CATSPERE: variants seen among roughly 807,000 people sequenced by gnomAD.
CATSPERE encodes catsper channel auxiliary subunit epsilon.
In CATSPERE, 93 loss-of-function variants were observed where a neutral mutation model predicts 114.1. The observed-to-expected ratio is 0.81, with a 90% CI of 0.69 to 0.97. The LOEUF is 0.97. CATSPERE is among the 50% of genes least tolerant of loss of function. The pLI, the probability that CATSPERE is intolerant of heterozygous loss-of-function variation, is 0.00. For missense variants in CATSPERE, 1,058 were observed against 1,131.6 expected (o/e 0.93, Z 0.93); for synonymous variants, 341 against 384.1 (o/e 0.89, Z 1.31).
intron 19 of CATSPERE, among the ~76,000 whole-genome samples, chr1:244,612,451 C>T (rs565308220): frequency 1.3e-5 from 2 of 152,048 alleles, no homozygotes; most frequent in Admixed American, 1.3e-4. Flanking sequence ...TTAGGGAAAA[C>T]ACTGAAGGAC....
chr1:244,518,277 A>G (rs1057023957), intron 7 of CATSPERE, among the ~76,000 whole-genome samples: 4 of 152,204 alleles, frequency 2.6e-5, no homozygotes, highest in African/African-American at 9.7e-5. Flanking sequence ...CAGAAACTCT[A>G]CTATGTATTT....
In CATSPERE at chr1:244,474,447, A is replaced by G. The variant is rs149869358; in HGVS notation, c.115-3094A>G. Among the ~76,000 whole-genome samples, 223 of 151,732 alleles carry G rather than the reference A, an allele frequency of 1.5e-3. 1 individual carries two copies. The highest frequency in any genetic ancestry group is 4.9e-3 in the African/African-American group (204 of 41,386). ...ATGATCTTCTTCTATGTTCATTCCAATTTTTCAATTTCATGTATTATTCTT... is the reference window on the plus strand; with the variant it reads ...ATGATCTTCTTCTATGTTCATTCCAGTTTTTCAATTTCATGTATTATTCTT... On this transcript the variant is annotated intron_variant, in intron 2 of 21. Coordinates refer to ENST00000366534, the MANE Select transcript of CATSPERE (RefSeq NM_001130957.2).
At position 244,597,861 on chromosome 1, in the gene CATSPERE, G is replaced by A. The variant is rs887365520; in HGVS notation, c.2303+4283G>A. Among the ~76,000 whole-genome samples the A allele has an allele frequency of 2.6e-5, 4 of 152,232 alleles. No individual in the cohort carries two copies. The East Asian group carries it at 5.8e-4, about 22-fold the overall frequency. ...TGTGAGAAGTGTTTTCATTTGATACGACACATAAACCATTAAAATGCCCTT... is the reference window on the plus strand; with the variant it reads ...TGTGAGAAGTGTTTTCATTTGATACAACACATAAACCATTAAAATGCCCTT... On this transcript the variant is annotated intron_variant, in intron 17 of 21. Coordinates refer to ENST00000366534, the MANE Select transcript of CATSPERE (RefSeq NM_001130957.2).
intron 17 of CATSPERE, 45 bp downstream of exon 17, chr1:244,593,623 A>G (rs1167559732): frequency 2.0e-6 from 3 of 1,505,880 alleles, no homozygotes; most frequent in Non-Finnish European, 2.8e-6. Context: ...TGAAAGTTTC[A>G]AACTCAAAGC....
In CATSPERE at chr1:244,461,413, G is replaced by A; in HGVS notation, c.-17G>A. 1 of 1,361,616 alleles carries A rather than the reference G, an allele frequency of 7.3e-7. No homozygotes were observed. Among genetic ancestry groups the A allele is most frequent in the Non-Finnish European group, 9.5e-7 (1 of 1,047,650 alleles). 84.3% of individuals were successfully genotyped at this position (1,361,616 alleles called of 1,614,324 possible). A position where few individuals can be genotyped will look rare whatever the true frequency, so the allele number is the denominator to read the frequency against. ...CGGGAGTGGCCGAGGCGGTTGGGCG[G>A]AGGCGGAGCAGGCGCCATGTCAGCC... On this transcript the variant is annotated 5_prime_UTR_variant, in exon 1 of 22. Coordinates refer to ENST00000366534, the MANE Select transcript of CATSPERE (RefSeq NM_001130957.2).
At chr1:244,593,693 A>G (rs1668017316) in intron 17 of CATSPERE, 115 bp downstream of exon 17, 1 of 821,802 alleles carries the variant, frequency 1.2e-6, no homozygotes, top group Non-Finnish European at 2.0e-6. Context: ...TCTACTCAAT[A>G]TATGCGAGAC....
At chr1:244,553,135 A>G (rs935693382) in intron 9 of CATSPERE, among the ~76,000 whole-genome samples, 8 of 152,232 alleles carry the variant, frequency 5.3e-5, no homozygotes, top group African/African-American at 1.7e-4. Context: ...CAAAATGAAT[A>G]ATGAGTTTTT....
At chr1:244,464,932 C>T (rs1427963123) in intron 2 of CATSPERE, among the ~76,000 whole-genome samples, 2 of 147,752 alleles carry the variant, frequency 1.4e-5, no homozygotes, top group African/African-American at 5.1e-5. Context: ...TCTCAAGTTT[C>T]TGTTAACTTT....
chr1:244,581,332 G>A (rs574957134), intron 11 of CATSPERE, among the ~76,000 whole-genome samples: 1 of 152,112 alleles, frequency 6.6e-6, no homozygotes, highest in East Asian at 1.9e-4. Context: ...GATGAACATT[G>A]GTCTGTTTCT....
chr1:244,470,547 T>G lies in CATSPERE; in HGVS notation c.114+6591T>G, dbSNP rs187172887. Among the ~76,000 whole-genome samples the G allele has an allele frequency of 1.4e-4, 21 of 152,170 alleles. 1 individual carries two copies. Among genetic ancestry groups the G allele is most frequent in the African/African-American group, 5.1e-4 (21 of 41,572 alleles). On this transcript the variant is annotated intron_variant, in intron 2 of 21. Transcript: ENST00000366534. ...CGTGGGGATGTAGAGAAATGGGAAC[T>G]CTTATATTGCTGTCAAATGTCAAAT...
intron 8 of CATSPERE, among the ~76,000 whole-genome samples, chr1:244,537,802 G>A (rs192449574): frequency 2.8e-4 from 42 of 152,136 alleles, no homozygotes; most frequent in African/African-American, 9.4e-4. Flanking sequence ...ATTCTTATGT[G>A]GGACTGAGAA....
intron 7 of CATSPERE, among the ~76,000 whole-genome samples, chr1:244,508,401 C>T (rs1675159101): frequency 6.6e-6 from 1 of 150,892 alleles, no homozygotes; most frequent in African/African-American, 2.4e-5. Context: ...CCCAGGTTCA[C>T]ACCATTCTCC....
chr1:244,608,702 C>G (rs1420620206), intron 18 of CATSPERE, among the ~76,000 whole-genome samples: 3 of 152,182 alleles, frequency 2.0e-5, no homozygotes, highest in Admixed American at 6.5e-5. Context: ...CCTTCTCCCT[C>G]TCTCTCACGT....
At chr1:244,468,091 T>G (rs1168607498) in intron 2 of CATSPERE, among the ~76,000 whole-genome samples, 2 of 151,914 alleles carry the variant, frequency 1.3e-5, no homozygotes, top group Non-Finnish European at 2.9e-5. Flanking sequence ...TTTTATTGTT[T>G]TTTTTTTTTC....
intron 7 of CATSPERE, among the ~76,000 whole-genome samples, chr1:244,500,550 G>A (rs749011971): frequency 6.6e-6 from 1 of 152,100 alleles, no homozygotes; most frequent in Non-Finnish European, 1.5e-5. Context: ...TCCAGTTTCT[G>A]TTTTCTGAAT....
At chr1:244,524,608 C>G (rs1678199665) in intron 8 of CATSPERE, among the ~76,000 whole-genome samples, 1 of 151,868 alleles carries the variant, frequency 6.6e-6, no homozygotes, top group South Asian at 2.1e-4. Context: ...GGGCTAATAT[C>G]CAGAATCTAC....
At chr1:244,619,604 G>A (rs1558606155) in intron 20 of CATSPERE, among the ~76,000 whole-genome samples, 1 of 152,108 alleles carries the variant, frequency 6.6e-6, no homozygotes, top group South Asian at 2.1e-4. Flanking sequence ...ATGCCATGGG[G>A]ACAAGAATAC....
chr1:244,452,867 T>C (rs1665738573), upstream of CATSPERE, among the ~76,000 whole-genome samples: 1 of 152,230 alleles, frequency 6.6e-6, no homozygotes, highest in South Asian at 2.1e-4. Flanking sequence ...GTTCATCTAA[T>C]GCCCTTTCGA....
intron 20 of CATSPERE, among the ~76,000 whole-genome samples, chr1:244,618,181 A>G (rs1331828031): frequency 6.6e-6 from 1 of 152,244 alleles, no homozygotes; most frequent in Non-Finnish European, 1.5e-5. Context: ...TAGAATTTAC[A>G]TTGCCAGAAG....
Sources: allele counts gnomAD v4.1 joint callset (sites outside exome capture counted in the v4.1 genomes callset), GRCh38; gene constraint gnomAD v4.1.1; transcripts MANE v1.5; gene names NCBI Gene and HGNC (gene_info 2026-07-23, HGNC 2026-07-21).